Variants in PREX1 observed in about 807,000 individuals in gnomAD.
PREX1 encodes the protein phosphatidylinositol 3,4,5-trisphosphate-dependent Rac exchanger 1 protein.
A neutral mutation model predicts 198.3 loss-of-function variants in PREX1; 41 were observed. That is an observed-to-expected ratio of 0.21 (90% CI 0.16 to 0.27). PREX1 has a LOEUF of 0.27. Ranked by LOEUF, PREX1 falls within the 10% of genes least tolerant of loss-of-function variation. The pLI is 1.00. For synonymous variants in PREX1, 843 were observed against 887.2 expected (o/e 0.95, Z 0.89); for missense variants, 1,620 against 2,200.7 (o/e 0.74, Z 5.28).
At chr20:48,840,152 C>CT in the PREX1 span, among the ~76,000 whole-genome samples, 1 of 152,036 alleles carries the variant, frequency 6.6e-6, no homozygotes. Context: ...GTAACTGTGA[C>CT]TACAGGCGCT....
At chr20:48,828,422 G>T (rs963955507), upstream of PREX1, among the ~76,000 whole-genome samples, 1 of 152,100 alleles carries the variant, frequency 6.6e-6, no homozygotes, top group Non-Finnish European at 1.5e-5. Flanking sequence ...CGCTGCTCGG[G>T]CCAAGTAAAC....
chr20:48,805,914 A>G (rs1197983740), intron 1 of PREX1, among the ~76,000 whole-genome samples: 1 of 152,200 alleles, frequency 6.6e-6, no homozygotes, highest in African/African-American at 2.4e-5. Flanking sequence ...AAACACTTCC[A>G]TCATCACTGC....
intron 2 of PREX1, among the ~76,000 whole-genome samples, chr20:48,746,037 G>A (rs913721223): frequency 6.6e-6 from 1 of 152,054 alleles, no homozygotes; most frequent in Non-Finnish European, 1.5e-5. Context: ...TTTTAGAGAC[G>A]GAATCTCGCT....
rs180980673 is a variant in PREX1, at chr20:48,825,446, A to T, written c.219+2196T>A. ...AGATACAAAAAGAAAAATGTGATGA[A>T]GTCAGCAAATGTAAAGTGTTAAGGA... On this transcript the variant is annotated intron_variant, in intron 1 of 39. Coordinates refer to ENST00000371941, the MANE Select transcript of PREX1 (RefSeq NM_020820.4). Among the ~76,000 whole-genome samples, 577 of 152,324 alleles carry T rather than the reference A, an allele frequency of 3.8e-3. 11 individuals carry two copies. Among genetic ancestry groups the T allele is most frequent in the Non-Finnish European group, 3.1e-3 (213 of 68,028 alleles).
intron 1 of PREX1, among the ~76,000 whole-genome samples, chr20:48,794,400 G>A (rs11700187): frequency 0.17 from 26,348 of 152,250 alleles, 2,874 homozygotes; most frequent in Admixed American, 0.24. Flanking sequence ...GGAAGACAGA[G>A]CTAACCAGGA....
intron 27 of PREX1, among the ~76,000 whole-genome samples, chr20:48,643,590 T>C (rs1219751945): frequency 6.6e-6 from 1 of 152,198 alleles, no homozygotes; most frequent in Non-Finnish European, 1.5e-5. Flanking sequence ...GCCCCACCAA[T>C]GAGCTCCAAA....
chr20:48,781,442 T>C (rs2090289393), intron 1 of PREX1, among the ~76,000 whole-genome samples: 1 of 152,144 alleles, frequency 6.6e-6, no homozygotes, highest in Admixed American at 6.5e-5. Flanking sequence ...CCAAATCACC[T>C]ACTGGCCAGA....
chr20:48,639,649 T>C, intron 30 of PREX1, 117 bp downstream of exon 30: 1 of 1,457,642 alleles, frequency 6.9e-7, no homozygotes, highest in South Asian at 1.3e-5. Flanking sequence ...TCTTGTCCTC[T>C]CCCTGGTCAT....
intron 25 of PREX1, among the ~76,000 whole-genome samples, chr20:48,646,546 C>T (rs1454688683): frequency 6.6e-6 from 1 of 152,070 alleles, no homozygotes; most frequent in African/African-American, 2.4e-5. Flanking sequence ...CAAAAATTAA[C>T]TGGGTGTGGT....
chr20:48,879,258 A>G, the PREX1 span, among the ~76,000 whole-genome samples: 20,295 of 152,178 alleles, frequency 0.13, 1,416 homozygotes, highest in Non-Finnish European at 0.16. Context: ...ATTATTTTGC[A>G]GTTTCATCTT....
rs537123038 is a variant in PREX1, at chr20:48,808,773, C to T, written c.219+18869G>A. 2.6e-5 allele frequency among the ~76,000 whole-genome samples: 4 copies of T among 152,370 alleles called. No individual in the cohort carries two copies. In the East Asian group the frequency reaches 7.7e-4, roughly 29 times the overall value. Reference sequence around the variant, plus strand: ...GACTTGACCTCCCATTGCTCTGCCCCTGGCCATTCCGGCCTCCGTGTGGAT... The same window carrying T: ...GACTTGACCTCCCATTGCTCTGCCCTTGGCCATTCCGGCCTCCGTGTGGAT... On this transcript the variant is annotated intron_variant, in intron 1 of 39. Transcript: ENST00000371941.
chr20:48,778,564 T>G (rs905625434), intron 1 of PREX1, among the ~76,000 whole-genome samples: 1 of 151,954 alleles, frequency 6.6e-6, no homozygotes, highest in Non-Finnish European at 1.5e-5. Context: ...TACTCCAGCC[T>G]GGGTGACAGA....
intron 10 of PREX1, among the ~76,000 whole-genome samples, chr20:48,685,413 C>T (rs1457481240): frequency 2.6e-5 from 4 of 152,240 alleles, no homozygotes; most frequent in African/African-American, 9.6e-5. Context: ...ACAGCCAGTA[C>T]GATTCCCACG....
the PREX1 span, among the ~76,000 whole-genome samples, chr20:48,837,530 G>A: frequency 2.6e-5 from 4 of 152,172 alleles, no homozygotes; most frequent in South Asian, 6.2e-4. Context: ...GAACGTGGAC[G>A]GAGCTGTAGG....
chr20:48,678,348 G>A (rs1329607212), intron 13 of PREX1, among the ~76,000 whole-genome samples: 1 of 152,010 alleles, frequency 6.6e-6, no homozygotes. Context: ...GTGCACGCCT[G>A]TAGTCCCAGC....
At chr20:48,644,550 G>T in intron 26 of PREX1, 53 bp from the exon 27 acceptor site, 1 of 1,535,998 alleles carries the variant, frequency 6.5e-7, no homozygotes, top group Non-Finnish European at 8.9e-7. Context: ...AGGCCATCTG[G>T]TCCTGGCACC....
chr20:48,844,535 C>A, the PREX1 span, among the ~76,000 whole-genome samples: 2 of 152,190 alleles, frequency 1.3e-5, no homozygotes, highest in African/African-American at 4.8e-5. Flanking sequence ...TGATGGAAAT[C>A]TGCTGGAGGC....
At chr20:48,770,528 A>G (rs1029405991) in intron 1 of PREX1, among the ~76,000 whole-genome samples, 8 of 152,138 alleles carry the variant, frequency 5.3e-5, no homozygotes, top group Non-Finnish European at 8.8e-5. Flanking sequence ...CTGGCCAACA[A>G]GGCAAAACCC....
chr20:48,861,934 G>A, the PREX1 span, among the ~76,000 whole-genome samples: 3 of 152,266 alleles, frequency 2.0e-5, no homozygotes, highest in African/African-American at 7.2e-5. Context: ...AGCAGGCCAG[G>A]CGCGGTGGCT....
Sources: gnomAD v4.1 joint callset for allele counts (sites outside exome capture counted in the v4.1 genomes callset) on GRCh38, gnomAD v4.1.1 for gene constraint, MANE v1.5 for transcripts, NCBI Gene and HGNC (gene_info 2026-07-23, HGNC 2026-07-21) for gene names.